Variants in MDGA2 observed in about 807,000 individuals in gnomAD.
MDGA2 encodes MAM domain containing glycosylphosphatidylinositol anchor 2.
Under a neutral mutation model 117.8 loss-of-function variants are expected in MDGA2, and 40 were observed. That is an observed-to-expected ratio of 0.34 (90% CI 0.26 to 0.44). MDGA2 has a LOEUF of 0.44. Ranked by LOEUF, MDGA2 falls within the 20% of genes least tolerant of loss-of-function variation. The probability of loss-of-function intolerance (pLI) is 1.00; values close to 1 mark genes in which losing one functional copy is unlikely to be tolerated. For missense variants in MDGA2, 1,123 were observed against 1,250.6 expected (o/e 0.90, Z 1.54); for synonymous variants, 452 against 439.0 (o/e 1.03, Z -0.37).
At chr14:47,178,397 T>C (rs1253306296) in intron 3 of MDGA2, among the ~76,000 whole-genome samples, 2 of 152,196 alleles carry the variant, frequency 1.3e-5, no homozygotes, top group African/African-American at 4.8e-5. Context: ...TATTTAAAGC[T>C]GGGACTATGC....
chr14:47,550,617 G>T lies in MDGA2; in HGVS notation c.280+123900C>A, dbSNP rs559733135. On this transcript the variant is annotated intron_variant, in intron 1 of 16. Coordinates refer to ENST00000399232, the MANE Select transcript of MDGA2 (RefSeq NM_001113498.3). The stretch of plus-strand genomic sequence containing the variant: ...TTAGATGTTATGTAAGTTAATACAT[G>T]ATTCATTCACTGTTTTTTTTTTCAC... Among the ~76,000 whole-genome samples, 81 of 151,852 alleles carry T rather than the reference G, an allele frequency of 5.3e-4. 1 individual carries two copies. Among genetic ancestry groups the T allele is most frequent in the African/African-American group, 1.8e-3 (74 of 41,390 alleles).
intron 1 of MDGA2, among the ~76,000 whole-genome samples, chr14:47,601,457 T>A (rs1252962270): frequency 1.3e-5 from 2 of 152,080 alleles, no homozygotes; most frequent in Non-Finnish European, 2.9e-5. Flanking sequence ...GACAAAGGAT[T>A]AAAAAGAAAT....
intron 7 of MDGA2, among the ~76,000 whole-genome samples, chr14:47,050,610 C>G (rs1396257889): frequency 6.6e-6 from 1 of 151,852 alleles, no homozygotes; most frequent in Non-Finnish European, 1.5e-5. Context: ...ACTAGTGATG[C>G]TGTTAATATA....
intron 1 of MDGA2, among the ~76,000 whole-genome samples, chr14:47,424,263 A>G (rs151179070): frequency 2.7e-4 from 41 of 152,192 alleles, no homozygotes; most frequent in African/African-American, 8.7e-4. Context: ...CTCTACAAAA[A>G]AATTTTAAAA....
intron 1 of MDGA2, among the ~76,000 whole-genome samples, chr14:47,544,463 A>T (rs1895418234): frequency 6.6e-6 from 1 of 152,130 alleles, no homozygotes; most frequent in Non-Finnish European, 1.5e-5. Context: ...GAATGGGTGG[A>T]TGGGATATGT....
chr14:47,082,779 C>T (rs1035868407), intron 6 of MDGA2, among the ~76,000 whole-genome samples: 28 of 151,754 alleles, frequency 1.8e-4, no homozygotes, highest in African/African-American at 5.6e-4. Flanking sequence ...CAGATAAAAA[C>T]AGTAAAATAG....
At chr14:47,315,241 A>C (rs924126798) in intron 1 of MDGA2, among the ~76,000 whole-genome samples, 2 of 152,096 alleles carry the variant, frequency 1.3e-5, no homozygotes, top group African/African-American at 2.4e-5. Flanking sequence ...ACACTTATCT[A>C]TCTGGATCCA....
intron 1 of MDGA2, among the ~76,000 whole-genome samples, chr14:47,341,334 C>A (rs1890615679): frequency 6.6e-6 from 1 of 152,046 alleles, no homozygotes; most frequent in Admixed American, 6.6e-5. Context: ...GGTATGTGGC[C>A]AAATAAGCTG....
intron 1 of MDGA2, among the ~76,000 whole-genome samples, chr14:47,600,998 T>C (rs1896637158): frequency 6.6e-6 from 1 of 152,236 alleles, no homozygotes; most frequent in Admixed American, 6.5e-5. Flanking sequence ...TATAAGACTG[T>C]ATAGCTATCT....
At chr14:47,198,089 A>T (rs1380253636) in intron 3 of MDGA2, among the ~76,000 whole-genome samples, 1 of 152,192 alleles carries the variant, frequency 6.6e-6, no homozygotes, top group Non-Finnish European at 1.5e-5. Context: ...TAGCCATGTA[A>T]TTATATCTCT....
At chr14:47,446,017 G>T (rs1893114714) in intron 1 of MDGA2, among the ~76,000 whole-genome samples, 1 of 152,148 alleles carries the variant, frequency 6.6e-6, no homozygotes, top group Non-Finnish European at 1.5e-5. Flanking sequence ...CAAGCACATA[G>T]CTTTGTAGTC....
Position 46,882,108 on chromosome 14 carries a change from G to C in MDGA2, c.2352C>G (p.Val784=). The C allele has an allele frequency of 6.2e-7, 1 of 1,611,910 alleles. No homozygotes were observed. Among genetic ancestry groups the C allele is most frequent in the Non-Finnish European group, 8.5e-7 (1 of 1,178,674 alleles). Reference sequence around the variant, plus strand: ...CAAATTTGGTGAGAGGAGTCAGTCGGACTTCATAAGCTTCTGGTTTAATTA... The same window carrying C: ...CAAATTTGGTGAGAGGAGTCAGTCGCACTTCATAAGCTTCTGGTTTAATTA... ...TELIKPEAYE[V]RLTPLTKFGE... is the part of the protein sequence containing the mutation. Residue 784 remains valine (V), a synonymous_variant, in exon 11 of 17, where the codon GTC becomes GTG. Transcript: ENST00000399232.
intron 2 of MDGA2, among the ~76,000 whole-genome samples, chr14:47,287,541 A>G (rs1888729616): frequency 6.6e-6 from 1 of 152,166 alleles, no homozygotes; most frequent in Admixed American, 6.6e-5. Flanking sequence ...TAGTTTTCAT[A>G]TAAGATCTAC....
intron 1 of MDGA2, among the ~76,000 whole-genome samples, chr14:47,413,761 A>C (rs192430387): frequency 1.4e-4 from 21 of 151,974 alleles, no homozygotes; most frequent in Admixed American, 3.3e-4. Context: ...TTAAACACCA[A>C]GTGACATGTT....
intron 8 of MDGA2, among the ~76,000 whole-genome samples, chr14:46,972,946 T>C (rs1457629981): frequency 6.6e-6 from 1 of 152,088 alleles, no homozygotes; most frequent in East Asian, 1.9e-4. Flanking sequence ...ATGACCTGAT[T>C]TTTAAAATGG....
At chr14:46,940,865 C>A (rs1884972533) in intron 9 of MDGA2, among the ~76,000 whole-genome samples, 3 of 152,162 alleles carry the variant, frequency 2.0e-5, no homozygotes, top group African/African-American at 7.2e-5. Context: ...TGCTGAATAT[C>A]ATTTGGGCAA....
intron 8 of MDGA2, among the ~76,000 whole-genome samples, chr14:46,965,985 CTTATA>C (rs971054013): frequency 6.3e-5 from 9 of 143,808 alleles, no homozygotes; most frequent in African/African-American, 1.1e-4. Context: ...ATATATGACT[CTTATA>C]TTATTATATT....
At chr14:47,303,622 T>A (rs1014006597) in intron 1 of MDGA2, among the ~76,000 whole-genome samples, 1 of 152,122 alleles carries the variant, frequency 6.6e-6, no homozygotes, top group Non-Finnish European at 1.5e-5. Flanking sequence ...ATCCATATTA[T>A]AGAGGTTAAC....
At chr14:47,059,086 G>A (rs1046974372) in intron 7 of MDGA2, 6 of 1,024,492 alleles carry the variant, frequency 5.9e-6, no homozygotes, top group Non-Finnish European at 5.9e-6. Flanking sequence ...GCAGTAAGAG[G>A]CACAGCAAAT....
Sources: gnomAD v4.1 joint callset for allele counts (sites outside exome capture counted in the v4.1 genomes callset) on GRCh38, gnomAD v4.1.1 for gene constraint, MANE v1.5 for transcripts, NCBI Gene and HGNC (gene_info 2026-07-23, HGNC 2026-07-21) for gene names.